Variants in ADAM33 observed in about 807,000 individuals in gnomAD.
The protein encoded by ADAM33 is ADAM metallopeptidase domain 33, also known as disintegrin and metalloproteinase domain-containing protein 33.
A neutral mutation model predicts 106.2 loss-of-function variants in ADAM33; 103 were observed. The ratio of observed to expected loss-of-function variants is 0.97; its 90% CI spans 0.83 to 1.14. ADAM33 has a LOEUF of 1.14. Among genes scored for constraint, ADAM33 ranks in the 50% most tolerant of loss-of-function variants. The pLI is 0.00. For missense variants in ADAM33, 1,120 were observed against 1,096.6 expected (o/e 1.02, Z -0.30); for synonymous variants, 483 against 453.0 (o/e 1.07, Z -0.84).
chr20:3,669,850 TG>T lies in ADAM33; in HGVS notation c.2241-214del, dbSNP rs2087415869. On this transcript the variant is annotated intron_variant, in intron 19 of 21. Transcript: ENST00000356518. ...TCCAAGTGAGCCTCATGCCCTCGGC[TG>T]GCACCTCCTCTCTCTAGTCCTAACA... The T allele has an allele frequency of 2.0e-5, 13 of 662,194 alleles. 2 individuals carry two copies. In the South Asian group the frequency reaches 2.2e-4, roughly 11 times the overall value. The allele number at this position is 662,194 out of a possible 1,614,324, so 41.0% of individuals were successfully genotyped here. A position where few individuals can be genotyped will look rare whatever the true frequency, so the allele number is the denominator to read the frequency against.
rs1373194740 is a variant in ADAM33 at position 3,669,012 on chromosome 20, G to A, written c.2405-12C>T. 2.5e-6 allele frequency: 4 copies of A among 1,613,996 alleles called. No homozygotes were observed. The highest frequency in any genetic ancestry group is 3.4e-6 in the Non-Finnish European group (4 of 1,179,930). ...CTGGACTTGATCTGCTGAGAATGAG[G>A]AGGATATGTTGTCCCCTAAGGACTG... On this transcript the variant is annotated splice_polypyrimidine_tract_variant and intron_variant, in intron 21 of 21. Coordinates refer to ENST00000356518, the MANE Select transcript of ADAM33 (RefSeq NM_025220.5).
chr20:3,673,857 C>T lies in ADAM33; in HGVS notation c.793G>A (p.Glu265Lys), dbSNP rs750825981. The T allele has an allele frequency of 4.4e-5, 69 of 1,567,482 alleles. No individual in the cohort carries two copies. Among genetic ancestry groups the T allele is most frequent in the Admixed American group, 1.8e-5 (1 of 54,106 alleles). Residue 265 changes from glutamate (E) to lysine (K), a missense_variant, in exon 9 of 22, where the codon GAG becomes AAG. By Grantham distance (56) the Glu-to-Lys change is moderately conservative. Coordinates refer to ENST00000356518, the MANE Select transcript of ADAM33 (RefSeq NM_025220.5). ...TGCGTGACGCGGCTGCGGTCCCGCT[C>T]GGTCCACACCTCCAGGCCGGTCAGC... ...VALTGLEVWT[E>K]RDRSRVTQDA...
rs1568791835 is a variant in ADAM33 at position 3,668,245 on chromosome 20, T to C, written c.*718A>G. On this transcript the variant is annotated 3_prime_UTR_variant, in exon 22 of 22. Coordinates refer to ENST00000356518, the MANE Select transcript of ADAM33 (RefSeq NM_025220.5). ...CTCCTACCCCGGCTTCCCAAAGTGC[T>C]GGGATTATAGGCATGAGCCACCACG... is the stretch of plus-strand genomic sequence containing the variant. 1 of 152,598 alleles carries C rather than the reference T, an allele frequency of 6.6e-6. No homozygotes were observed. Among genetic ancestry groups the C allele is most frequent in the African/African-American group, 2.4e-5 (1 of 41,452 alleles). The allele number at this position is 152,598 out of a possible 1,614,324, so 9.5% of individuals were successfully genotyped here.
chr20:3,669,025 C>T (rs1435122098), intron 21 of ADAM33, 25 bp from the exon 22 acceptor site: 7 of 1,613,620 alleles, frequency 4.3e-6, no homozygotes, highest in Middle Eastern at 1.7e-4. Flanking sequence ...GATATGTTGT[C>T]CCCTAAGGAC....
At chr20:3,680,992 A>T (rs1258941020) in intron 1 of ADAM33, among the ~76,000 whole-genome samples, 1 of 152,056 alleles carries the variant, frequency 6.6e-6, no homozygotes, top group African/African-American at 2.4e-5. Context: ...TGACCCCAGG[A>T]TAGGGCTCAG....
At chr20:3,669,255 T>C in intron 21 of ADAM33, 44 bp downstream of exon 21, 2 of 1,430,796 alleles carry the variant, frequency 1.4e-6, no homozygotes, top group Non-Finnish European at 1.9e-6. Flanking sequence ...GGTGGGAGGG[T>C]GGGCGATGAG....
rs1386801592 is a variant in ADAM33 at position 3,681,988 on chromosome 20, C to T, written c.17G>A (p.Arg6Gln). Reference sequence around the variant, plus strand: ...CAGCAACGGGGTCCCCCGAGCTCTCCGGGGCCTCCAGCCCATAGCTGTGAG... The same window carrying T: ...CAGCAACGGGGTCCCCCGAGCTCTCTGGGGCCTCCAGCCCATAGCTGTGAG... MGWRP[R>Q]RARGTPLLLL... Residue 6 changes from arginine (R) to glutamine (Q), a missense_variant, in exon 1 of 22, where the codon CGG (arginine) becomes CAG (glutamine). Coordinates refer to ENST00000356518, the MANE Select transcript of ADAM33 (RefSeq NM_025220.5). 1.3e-6 allele frequency: 2 copies of T among 1,536,560 alleles called. No individual in the cohort carries two copies. The highest frequency in any genetic ancestry group is 1.4e-5 in the African/African-American group (1 of 71,494).
At position 3,669,955 on chromosome 20, in the gene ADAM33, G is replaced by T; in HGVS notation, c.2241-318C>A. ...AGCTTCCAAAGAACCTTGGATGTCC[G>T]CCCCTTCGGCAGCTATGTCTGCTCT... is the stretch of plus-strand genomic sequence containing the variant. On this transcript the variant is annotated intron_variant, in intron 19 of 21. Coordinates refer to ENST00000356518, the MANE Select transcript of ADAM33 (RefSeq NM_025220.5). The T allele has an allele frequency of 5.9e-6, 3 of 508,732 alleles. No homozygotes were observed. In the South Asian group the frequency reaches 6.2e-5, roughly 10 times the overall value. The allele number at this position is 508,732 out of a possible 1,614,324, so 31.5% of individuals were successfully genotyped here. A position where few individuals can be genotyped will look rare whatever the true frequency, so the allele number is the denominator to read the frequency against.
intron 21 of ADAM33, 128 bp downstream of exon 21, chr20:3,669,171 G>T: frequency 8.4e-7 from 1 of 1,186,644 alleles, no homozygotes; most frequent in Non-Finnish European, 1.2e-6. Flanking sequence ...ATAACCAAGA[G>T]GTCATAAACT....
Position 3,673,926 on chromosome 20 carries a change from G to A in ADAM33, c.739-15C>T, listed in dbSNP as rs1185073271. The A allele has an allele frequency of 2.5e-6, 4 of 1,569,274 alleles. No homozygotes were observed. Among genetic ancestry groups the A allele is most frequent in the Middle Eastern group, 1.7e-4 (1 of 5,904 alleles). On this transcript the variant is annotated splice_polypyrimidine_tract_variant and intron_variant, in intron 8 of 21. Coordinates refer to ENST00000356518, the MANE Select transcript of ADAM33 (RefSeq NM_025220.5). ...GTCCTGAGAAGCTGAGGGCGAGGCGGGGCTGAAGCCGGGACAGGGCGCCCC... is the reference window on the plus strand; with the variant it reads ...GTCCTGAGAAGCTGAGGGCGAGGCGAGGCTGAAGCCGGGACAGGGCGCCCC...
intron 1 of ADAM33, among the ~76,000 whole-genome samples, chr20:3,680,743 G>A (rs973809325): frequency 2.2e-4 from 34 of 152,210 alleles, no homozygotes; most frequent in Admixed American, 1.3e-4. Context: ...TTGGGGAAGA[G>A]GTAGGGTGGG....
At position 3,673,898 on chromosome 20, in the gene ADAM33, A is replaced by G. The variant is rs746979137; in HGVS notation, c.752T>C (p.Leu251Pro). ...ANYVDQLLRT[L>P]DIQVALTGLE... ...GCCGGTCAGCGCCACCTGAATGTCC[A>G]GAGTCCTGAGAAGCTGAGGGCGAGG... The change falls in exon 9 of 22, where the codon CTG (leucine) becomes CCG (proline). Residue 251 changes from leucine (L) to proline (P), a missense_variant. Leu to Pro is a moderately conservative substitution (Grantham distance 98, BLOSUM62 -3). Coordinates refer to ENST00000356518, the MANE Select transcript of ADAM33 (RefSeq NM_025220.5). 1 of 1,563,034 alleles carries G rather than the reference A, an allele frequency of 6.4e-7. No homozygotes were observed.
intron 6 of ADAM33, 23 bp downstream of exon 6, chr20:3,674,481 C>G (rs1325673702): frequency 6.2e-7 from 1 of 1,610,828 alleles, no homozygotes; most frequent in South Asian, 1.1e-5. Context: ...CATTCCCACT[C>G]CCATCCGATC....
chr20:3,679,503 G>C lies in ADAM33; in HGVS notation c.166C>G (p.Leu56Val). 1 of 1,608,742 alleles carries C rather than the reference G, an allele frequency of 6.2e-7. No individual in the cohort carries two copies. The highest frequency in any genetic ancestry group is 8.5e-7 in the Non-Finnish European group (1 of 1,177,690). Residue 56 changes from leucine to valine, a missense_variant, in exon 2 of 22, where the codon CTG becomes GTG. By Grantham distance (32) the Leu-to-Val change is conservative. Transcript: ENST00000356518. ...LDGQPWRTVS[L>V]EEPVSKPDMG... ...GACATGGCACTGACCGGCTCCTCCAGGCTGACGGTGCGCCAGGGTTGTCCA... is the reference window on the plus strand; with the variant it reads ...GACATGGCACTGACCGGCTCCTCCACGCTGACGGTGCGCCAGGGTTGTCCA...
chr20:3,673,142 C>A (rs957310504), intron 11 of ADAM33: 13 of 1,481,572 alleles, frequency 8.8e-6, no homozygotes, highest in Non-Finnish European at 1.2e-5. Context: ...AGTAACCTCG[C>A]CAGGTTACTC....
intron 1 of ADAM33, among the ~76,000 whole-genome samples, chr20:3,679,829 T>C (rs998605537): frequency 6.6e-6 from 1 of 152,070 alleles, no homozygotes; most frequent in Non-Finnish European, 1.5e-5. Flanking sequence ...GGGAGTCCCC[T>C]GACCTTTGTC....
rs1340712694 is a variant in ADAM33, at chr20:3,671,430, G to A, written c.1972C>T (p.His658Tyr). Residue 658 changes from histidine to tyrosine, a missense_variant, in exon 17 of 22, where the codon CAC becomes TAC. By Grantham distance (83) the His-to-Tyr change is moderately conservative (BLOSUM62 2). Coordinates refer to ENST00000356518, the MANE Select transcript of ADAM33 (RefSeq NM_025220.5). The part of the protein sequence containing the change: ...QELQRCLTAC[H>Y]SHGVCNSNHN... ...CCTCGGGCTCTCACCCCGTGGCTGTGGCAGGCAGTCAGGCAGCGCTGAAGC... is the reference window on the plus strand; with the variant it reads ...CCTCGGGCTCTCACCCCGTGGCTGTAGCAGGCAGTCAGGCAGCGCTGAAGC... 3 of 1,612,494 alleles carry A rather than the reference G, an allele frequency of 1.9e-6. No individual in the cohort carries two copies. The highest frequency in any genetic ancestry group is 2.5e-6 in the Non-Finnish European group (3 of 1,179,282).
intron 2 of ADAM33, 103 bp downstream of exon 2, chr20:3,679,389 G>A: frequency 8.1e-7 from 1 of 1,232,398 alleles, no homozygotes; most frequent in East Asian, 2.6e-5. Flanking sequence ...GTGACTTGGT[G>A]GTTCTGGGGA....
chr20:3,672,506 A>G (rs377599074), intron 13 of ADAM33, 31 bp downstream of exon 13: 24 of 1,604,248 alleles, frequency 1.5e-5, no homozygotes, highest in Non-Finnish European at 2.0e-5. Flanking sequence ...AGCTCCCCGA[A>G]ACCCTCACCC....
Sources: allele counts gnomAD v4.1 joint callset (sites outside exome capture counted in the v4.1 genomes callset), GRCh38; gene constraint gnomAD v4.1.1; transcripts MANE v1.5; gene names NCBI Gene and HGNC (gene_info 2026-07-23, HGNC 2026-07-21).